Variants in GTF2F2 observed in about 807,000 individuals in gnomAD.
The protein encoded by GTF2F2 is ATP-dependent helicase GTF2F2.
Under a neutral mutation model 42.2 loss-of-function variants are expected in GTF2F2, and 23 were observed. The observed-to-expected ratio is 0.55, with a 90% confidence interval of 0.39 to 0.77. The LOEUF is 0.77. GTF2F2 is among the 30% of genes least tolerant of loss of function. The pLI, the probability that GTF2F2 is intolerant of heterozygous loss-of-function variation, is 0.00. For synonymous variants in GTF2F2, 105 were observed against 100.8 expected, an observed-to-expected ratio of 1.04 and a Z score of -0.25; for missense variants, 261 against 287.2, an observed-to-expected ratio of 0.91 and a Z score of 0.66.
intron 4 of GTF2F2, among the ~76,000 whole-genome samples, chr13:45,190,940 T>C (rs1278640260): frequency 1.5e-5 from 2 of 135,320 alleles, no homozygotes; most frequent in Non-Finnish European, 3.2e-5. Context: ...TAATTTTCTT[T>C]AAAAAAAAAA....
chr13:45,247,876 G>A (rs1014524283), intron 5 of GTF2F2, among the ~76,000 whole-genome samples: 10 of 151,636 alleles, frequency 6.6e-5, no homozygotes, highest in African/African-American at 1.7e-4. Context: ...ATGGAATCTC[G>A]CTCTGTTGCC....
chr13:45,192,692 A>G lies in GTF2F2; in HGVS notation c.305-14732A>G, dbSNP rs533162064. On this transcript the variant is annotated intron_variant, in intron 4 of 7. Coordinates refer to ENST00000340473, the MANE Select transcript of GTF2F2 (RefSeq NM_004128.3). ...CCATACATAAAACGTAATTTTTAAA[A>G]ATAATTTTTTGTTTGGCATGAAGTA... Among the ~76,000 whole-genome samples, 21 of 152,324 alleles carry G rather than the reference A, an allele frequency of 1.4e-4. 1 individual carries two copies. Among genetic ancestry groups the G allele is most frequent in the African/African-American group, 4.6e-4 (19 of 41,572 alleles).
At chr13:45,224,037 TG>T (rs1210435518) in intron 5 of GTF2F2, among the ~76,000 whole-genome samples, 1 of 152,238 alleles carries the variant, frequency 6.6e-6, no homozygotes, top group Non-Finnish European at 1.5e-5. Flanking sequence ...CCATACTTCA[TG>T]AAGAGTTTGT....
intron 5 of GTF2F2, among the ~76,000 whole-genome samples, chr13:45,251,611 T>A (rs1341229407): frequency 2.6e-5 from 4 of 152,210 alleles, no homozygotes; most frequent in Admixed American, 6.5e-5. Flanking sequence ...CTTTTTTTTT[T>A]AATTAAAGGC....
chr13:45,206,622 T>C (rs1371713425), intron 4 of GTF2F2: 1 of 152,230 alleles, frequency 6.6e-6, no homozygotes, highest in Non-Finnish European at 1.5e-5. Flanking sequence ...GGTACCATTA[T>C]GAGACATTTA....
intron 4 of GTF2F2, among the ~76,000 whole-genome samples, chr13:45,163,061 A>G (rs1029073409): frequency 6.6e-6 from 1 of 152,008 alleles, no homozygotes; most frequent in Admixed American, 6.6e-5. Flanking sequence ...AAACTAACCA[A>G]GTTCCTTGGA....
chr13:45,168,219 GCC>G (rs905962297), intron 4 of GTF2F2, among the ~76,000 whole-genome samples: 2 of 152,178 alleles, frequency 1.3e-5, no homozygotes, highest in Admixed American at 1.3e-4. Flanking sequence ...TGGCATAGAT[GCC>G]CCAGGTGCTG....
At chr13:45,213,292 G>A (rs1451026662) in intron 5 of GTF2F2, among the ~76,000 whole-genome samples, 4 of 151,976 alleles carry the variant, frequency 2.6e-5, no homozygotes, top group Non-Finnish European at 2.9e-5. Context: ...TGTTAGCCAG[G>A]ATGATCTCAA....
At chr13:45,256,991 A>G (rs928534303) in intron 6 of GTF2F2, among the ~76,000 whole-genome samples, 4 of 152,168 alleles carry the variant, frequency 2.6e-5, no homozygotes, top group African/African-American at 7.2e-5. Context: ...TTGAAAAACA[A>G]TGTTCCTACA....
intron 4 of GTF2F2, chr13:45,194,326 C>T: frequency 6.2e-7 from 1 of 1,614,146 alleles, no homozygotes; most frequent in Non-Finnish European, 8.5e-7. Flanking sequence ...GAGACCATCC[C>T]TGTCTATGAA....
intron 4 of GTF2F2, among the ~76,000 whole-genome samples, chr13:45,182,610 G>C (rs1365592044): frequency 1.3e-5 from 2 of 152,058 alleles, no homozygotes; most frequent in Non-Finnish European, 2.9e-5. Flanking sequence ...TTGTTGCTTT[G>C]CTTACTTGAT....
intron 4 of GTF2F2, among the ~76,000 whole-genome samples, chr13:45,171,640 A>G (rs968874811): frequency 2.6e-5 from 4 of 152,210 alleles, no homozygotes. Flanking sequence ...GAAAATTCTC[A>G]TACCATACAA....
chr13:45,254,423 G>A (rs181593907), intron 6 of GTF2F2, among the ~76,000 whole-genome samples: 47 of 152,236 alleles, frequency 3.1e-4, no homozygotes, highest in Admixed American at 3.9e-4. Context: ...TATCTTATAT[G>A]TACTATATGT....
intron 1 of GTF2F2, among the ~76,000 whole-genome samples, chr13:45,126,870 G>A (rs1338233656): frequency 6.6e-6 from 1 of 152,214 alleles, no homozygotes; most frequent in Non-Finnish European, 1.5e-5. Context: ...GCTGTAGTGA[G>A]TTATTTTCTG....
chr13:45,140,379 G>A (rs1440466082), intron 2 of GTF2F2, among the ~76,000 whole-genome samples: 1 of 152,172 alleles, frequency 6.6e-6, no homozygotes, highest in East Asian at 1.9e-4. Context: ...AGTGGAGTCA[G>A]GCTTGTATTC....
intron 4 of GTF2F2, among the ~76,000 whole-genome samples, chr13:45,185,513 G>A (rs994726619): frequency 6.6e-6 from 1 of 152,092 alleles, no homozygotes; most frequent in Non-Finnish European, 1.5e-5. Context: ...TCGTTTTGTT[G>A]TTTTATAAAT....
At chr13:45,194,764 G>T in intron 4 of GTF2F2, 1 of 580,480 alleles carries the variant, frequency 1.7e-6, no homozygotes, top group Non-Finnish European at 3.1e-6. Flanking sequence ...TCTGGAGTAA[G>T]ACGGAAAAGA....
chr13:45,206,276 T>TA (rs557393365), intron 4 of GTF2F2: 1 of 152,154 alleles, frequency 6.6e-6, no homozygotes, highest in South Asian at 2.1e-4. Flanking sequence ...CAAAGATCAC[T>TA]AAAAAAAGAT....
At chr13:45,191,222 A>ATATATATATATATATATAT (rs1555267758) in intron 4 of GTF2F2, among the ~76,000 whole-genome samples, 5 of 69,960 alleles carry the variant, frequency 7.1e-5, no homozygotes, top group African/African-American at 4.3e-4. Flanking sequence ...ATACAAAAAA[A>ATATATATATATATATATAT]AAATATATAT....
Sources: allele counts gnomAD v4.1 joint callset (sites outside exome capture counted in the v4.1 genomes callset), GRCh38; gene constraint gnomAD v4.1.1; transcripts MANE v1.5; gene names NCBI Gene and HGNC (gene_info 2026-07-23, HGNC 2026-07-21).